TMCC3: variants seen among roughly 807,000 people sequenced by gnomAD.
The protein encoded by TMCC3 is transmembrane and coiled-coil domain family 3.
Under a neutral mutation model 40.2 loss-of-function variants are expected in TMCC3, and 28 were observed. The ratio of observed to expected loss-of-function variants is 0.70; its 90% CI spans 0.52 to 0.95. The LOEUF (loss-of-function observed/expected upper bound fraction) is 0.95, where lower values mean the gene tolerates loss of function less well. Among genes scored for constraint, TMCC3 ranks in the 40% least tolerant of loss-of-function variants. The probability of loss-of-function intolerance (pLI) is 0.00; values close to 1 mark genes in which losing one functional copy is unlikely to be tolerated. For missense variants in TMCC3, 554 were observed against 615.2 expected (o/e 0.90, Z 1.05); for synonymous variants, 255 against 248.5 (o/e 1.03, Z -0.25).
chr12:94,644,658 CT>C (rs2069008557), intron 1 of TMCC3, among the ~76,000 whole-genome samples: 1 of 152,212 alleles, frequency 6.6e-6, no homozygotes, highest in South Asian at 2.1e-4. Context: ...CTTTAAGAGG[CT>C]CTTTAGAACA....
At chr12:94,595,478 T>A (rs1244320071) in intron 1 of TMCC3, among the ~76,000 whole-genome samples, 1 of 152,230 alleles carries the variant, frequency 6.6e-6, no homozygotes, top group African/African-American at 2.4e-5. Flanking sequence ...AAATAGCGTT[T>A]GGTACTGGAG....
rs527316863 is a variant in TMCC3, at chr12:94,573,715, C to T, written c.1132-1978G>A. Among the ~76,000 whole-genome samples the T allele has an allele frequency of 3.2e-4, 49 of 152,298 alleles. 1 individual carries two copies. The South Asian group carries it at 0.01, about 32-fold the overall frequency. On this transcript the variant is annotated intron_variant, in intron 3 of 3. Transcript: ENST00000261226. ...TCCTGAATGACTGGAATTACAAGTG[C>T]GAGCCACCACACACAGCTTTATTCT... is the stretch of plus-strand genomic sequence containing the variant.
At chr12:94,586,931 G>T (rs1415151045) in intron 1 of TMCC3, among the ~76,000 whole-genome samples, 2 of 152,166 alleles carry the variant, frequency 1.3e-5, no homozygotes, top group Non-Finnish European at 2.9e-5. Context: ...GTTTGATGAG[G>T]GTATAAAGTT....
At chr12:94,644,005 T>C (rs926257006) in intron 1 of TMCC3, among the ~76,000 whole-genome samples, 3 of 152,250 alleles carry the variant, frequency 2.0e-5, no homozygotes, top group Admixed American at 6.5e-5. Flanking sequence ...AAGTGCTTCA[T>C]GTTGCCTGGT....
At chr12:94,599,562 C>CG (rs199949975) in intron 1 of TMCC3, among the ~76,000 whole-genome samples, 52,564 of 135,524 alleles carry the variant, frequency 0.39, 9,961 homozygotes, top group African/African-American at 0.46. Context: ...AGATACCCCC[C>CG]CCCCCGCCCA....
chr12:94,633,968 C>CA (rs2068946968), intron 1 of TMCC3, among the ~76,000 whole-genome samples: 1 of 147,432 alleles, frequency 6.8e-6, no homozygotes, highest in African/African-American at 2.5e-5. Context: ...TTTTTTGAGA[C>CA]AGAGTCTCGC....
At chr12:94,617,774 G>A (rs1162795794) in intron 1 of TMCC3, among the ~76,000 whole-genome samples, 3 of 152,188 alleles carry the variant, frequency 2.0e-5, no homozygotes, top group Non-Finnish European at 2.9e-5. Flanking sequence ...CTCTGTGTTG[G>A]GGGTGGGATG....
At chr12:94,593,384 A>AAGAGGAAGAGGAAGAGGAAGAGGAAGG (rs1566320539) in intron 1 of TMCC3, among the ~76,000 whole-genome samples, 1 of 60,240 alleles carries the variant, frequency 1.7e-5, no homozygotes, top group African/African-American at 1.2e-4. Flanking sequence ...AAAAGAAAAG[A>AAGAGGAAGAGGAAGAGGAAGAGGAAGG]AAGAAGAAAG....
chr12:94,632,250 A>G (rs1264091669), intron 1 of TMCC3, among the ~76,000 whole-genome samples: 1 of 152,260 alleles, frequency 6.6e-6, no homozygotes, highest in Non-Finnish European at 1.5e-5. Flanking sequence ...TGTGTTCTTC[A>G]GAATTCATAG....
intron 1 of TMCC3, among the ~76,000 whole-genome samples, chr12:94,629,763 G>A (rs562083350): frequency 1.6e-4 from 24 of 152,266 alleles, no homozygotes; most frequent in African/African-American, 5.5e-4. Flanking sequence ...CAGACCTGGA[G>A]CAAAATTAAG....
At chr12:94,610,442 A>T (rs547428283) in intron 1 of TMCC3, among the ~76,000 whole-genome samples, 2,314 of 151,332 alleles carry the variant, frequency 0.015, 30 homozygotes, top group African/African-American at 0.028. Context: ...AAAAAAAAAA[A>T]ATTTTTTTTT....
chr12:94,572,805 G>A (rs763196335), intron 3 of TMCC3, among the ~76,000 whole-genome samples: 20 of 152,098 alleles, frequency 1.3e-4, no homozygotes, highest in South Asian at 2.1e-4. Flanking sequence ...AGAGATTGGC[G>A]GAGGAAGGCG....
In TMCC3 at chr12:94,638,389, T is replaced by G. The variant is rs577528988; in HGVS notation, c.78+11964A>C. Among the ~76,000 whole-genome samples the G allele has an allele frequency of 2.0e-5, 3 of 152,338 alleles. No homozygotes were observed. The South Asian group carries it at 6.2e-4, about 32-fold the overall frequency. On this transcript the variant is annotated intron_variant, in intron 1 of 3. Coordinates refer to ENST00000261226, the MANE Select transcript of TMCC3 (RefSeq NM_020698.4). ...ATGGGGTGGATTCAAAGGAGACATT[T>G]GCCACCTCTTCCTCCTCTGGAGAAA...
chr12:94,570,226 G>T lies in TMCC3; in HGVS notation c.*1209C>A, dbSNP rs2068518786. 1 of 152,160 alleles carries T rather than the reference G, an allele frequency of 6.6e-6. No homozygotes were observed. Among genetic ancestry groups the T allele is most frequent in the South Asian group, 2.1e-4 (1 of 4,820 alleles). 9.4% of individuals were successfully genotyped at this position (152,160 alleles called of 1,614,324 possible). A position where few individuals can be genotyped will look rare whatever the true frequency, so the allele number is the denominator to read the frequency against. ...CAGGTGAACTGCTCCCACTAATCTA[G>T]CCACCATTCAGTCACACCCTACGTC... is the stretch of plus-strand genomic sequence containing the variant. On this transcript the variant is annotated 3_prime_UTR_variant, in exon 4 of 4. Coordinates refer to ENST00000261226, the MANE Select transcript of TMCC3 (RefSeq NM_020698.4).
In TMCC3 at chr12:94,623,953, A is replaced by T. The variant is rs184217713; in HGVS notation, c.78+26400T>A. On this transcript the variant is annotated intron_variant, in intron 1 of 3. Transcript: ENST00000261226. Reference sequence around the variant, plus strand: ...TAAGAAGGAATGTGGCAAGCCACAAAAGTTATAATTTATATTATTAATTAT... The same window carrying T: ...TAAGAAGGAATGTGGCAAGCCACAATAGTTATAATTTATATTATTAATTAT... 1.1e-4 allele frequency among the ~76,000 whole-genome samples: 17 copies of T among 152,402 alleles called. No homozygotes were observed. In the East Asian group the frequency reaches 3.3e-3, roughly 29 times the overall value.
chr12:94,579,845 G>A (rs78639690), intron 2 of TMCC3, among the ~76,000 whole-genome samples: 1,716 of 152,292 alleles, frequency 0.011, 12 homozygotes, highest in Middle Eastern at 0.014. Flanking sequence ...AACAGAAACC[G>A]TCCTGAACTC....
Position 94,643,385 on chromosome 12 carries a change from C to T in TMCC3, c.78+6968G>A, listed in dbSNP as rs75954661. On this transcript the variant is annotated intron_variant, in intron 1 of 3. Coordinates refer to ENST00000261226, the MANE Select transcript of TMCC3 (RefSeq NM_020698.4). ...CAAAAGAAGGTGTGAACCCACAGGCCAGTCATGAGGATCTACTGAGGAGAC... is the reference window on the plus strand; with the variant it reads ...CAAAAGAAGGTGTGAACCCACAGGCTAGTCATGAGGATCTACTGAGGAGAC... Among the ~76,000 whole-genome samples the T allele has an allele frequency of 3.3e-5, 5 of 152,214 alleles. No individual in the cohort carries two copies. The East Asian group carries it at 7.7e-4, about 23-fold the overall frequency.
At chr12:94,641,266 C>T (rs2068989173) in intron 1 of TMCC3, among the ~76,000 whole-genome samples, 1 of 151,802 alleles carries the variant, frequency 6.6e-6, no homozygotes, top group Admixed American at 6.6e-5. Flanking sequence ...ATTGAGGGAG[C>T]AGCTCAGGCA....
intron 1 of TMCC3, among the ~76,000 whole-genome samples, chr12:94,622,524 A>G (rs994291125): frequency 1.3e-5 from 2 of 152,174 alleles, no homozygotes; most frequent in Non-Finnish European, 2.9e-5. Context: ...CTTTTTTAAA[A>G]TAAGCACTGA....
Sources: gnomAD v4.1 joint callset for allele counts (sites outside exome capture counted in the v4.1 genomes callset) on GRCh38, gnomAD v4.1.1 for gene constraint, MANE v1.5 for transcripts, NCBI Gene and HGNC (gene_info 2026-07-23, HGNC 2026-07-21) for gene names.